MGMT: variants seen among roughly 807,000 people sequenced by gnomAD.
MGMT encodes the protein methylated-DNA--protein-cysteine methyltransferase.
In MGMT, 14 loss-of-function variants were observed where a neutral mutation model predicts 15.9. That is an observed-to-expected ratio of 0.88 (90% CI 0.58 to 1.37). The LOEUF (loss-of-function observed/expected upper bound fraction) is 1.37. Among genes scored for constraint, MGMT ranks in the 40% most tolerant of loss-of-function variants. The pLI is 0.00. For synonymous variants in MGMT, 130 were observed against 118.2 expected (o/e 1.10, Z -0.65); for missense variants, 282 against 268.1 (o/e 1.05, Z -0.36).
At chr10:129,752,990 A>G (rs563209098) in intron 3 of MGMT, among the ~76,000 whole-genome samples, 1 of 152,276 alleles carries the variant, frequency 6.6e-6, no homozygotes, top group South Asian at 2.1e-4. Context: ...TCCTTTAGCC[A>G]TTCTAAAGAT....
At chr10:129,537,358 G>A (rs1222332746) in intron 2 of MGMT, among the ~76,000 whole-genome samples, 1 of 152,128 alleles carries the variant, frequency 6.6e-6, no homozygotes, top group African/African-American at 2.4e-5. Flanking sequence ...CTGTAGAGCT[G>A]CACGTTACAA....
intron 4 of MGMT, among the ~76,000 whole-genome samples, chr10:129,761,104 A>AC (rs1250722823): frequency 6.6e-6 from 1 of 152,148 alleles, no homozygotes; most frequent in African/African-American, 2.4e-5. Flanking sequence ...GAGGTGTTCA[A>AC]CCTGATGAAA....
chr10:129,522,364 C>A (rs1487947989), intron 1 of MGMT, among the ~76,000 whole-genome samples: 1 of 152,204 alleles, frequency 6.6e-6, no homozygotes, highest in East Asian at 1.9e-4. Context: ...TGCCTGTAGG[C>A]TTTGCAGAAA....
chr10:129,749,380 C>T (rs144008180), intron 3 of MGMT, among the ~76,000 whole-genome samples: 111 of 152,276 alleles, frequency 7.3e-4, no homozygotes, highest in African/African-American at 2.5e-3. Context: ...TAGTTGGGAT[C>T]ATACAGTATG....
chr10:129,746,724 A>G (rs573647813), intron 3 of MGMT, among the ~76,000 whole-genome samples: 6 of 152,176 alleles, frequency 3.9e-5, no homozygotes, highest in African/African-American at 7.2e-5. Context: ...CCCTTTGCAA[A>G]TACATAATTA....
At chr10:129,652,733 G>A (rs990806171) in intron 2 of MGMT, among the ~76,000 whole-genome samples, 3 of 152,180 alleles carry the variant, frequency 2.0e-5, no homozygotes, top group Non-Finnish European at 1.5e-5. Flanking sequence ...CCAGATGGCC[G>A]GCCGGCCTGC....
At chr10:129,587,820 T>G (rs2133051715) in intron 2 of MGMT, among the ~76,000 whole-genome samples, 1 of 152,318 alleles carries the variant, frequency 6.6e-6, no homozygotes, top group South Asian at 2.1e-4. Flanking sequence ...TCTAACATCT[T>G]TGTCAGTTTT....
chr10:129,711,220 C>T (rs35329048), intron 3 of MGMT, among the ~76,000 whole-genome samples: 13,495 of 152,260 alleles, frequency 0.089, 787 homozygotes, highest in Non-Finnish European at 0.13. Context: ...TTGTGATTTG[C>T]TTTTTAAGGC....
In MGMT at chr10:129,768,580, G is replaced by C. The variant is rs1160724018; in HGVS notation, c.*1583G>C. 2.0e-5 allele frequency among the ~76,000 whole-genome samples: 3 copies of C among 152,248 alleles called. No homozygotes were observed. Among genetic ancestry groups the C allele is most frequent in the Non-Finnish European group, 2.9e-5 (2 of 68,046 alleles). ...GTGCCCTGTGTCCCCCACAGATGATGGCCCTCCCCAGTGATGGCCGGTCAC... is the reference window on the plus strand; with the variant it reads ...GTGCCCTGTGTCCCCCACAGATGATCGCCCTCCCCAGTGATGGCCGGTCAC... On this transcript the variant is annotated 3_prime_UTR_variant, in exon 5 of 5. Coordinates refer to ENST00000651593, the MANE Select transcript of MGMT (RefSeq NM_002412.5).
intron 2 of MGMT, among the ~76,000 whole-genome samples, chr10:129,627,783 G>A (rs1187591414): frequency 3.3e-5 from 5 of 152,162 alleles, no homozygotes; most frequent in African/African-American, 1.2e-4. Flanking sequence ...CATCTAAGTG[G>A]CTTATTTTAT....
intron 2 of MGMT, among the ~76,000 whole-genome samples, chr10:129,647,984 A>G (rs1055852522): frequency 6.6e-6 from 1 of 152,230 alleles, no homozygotes; most frequent in Non-Finnish European, 1.5e-5. Flanking sequence ...AAATATAGCC[A>G]TAGGCTTTTC....
At chr10:129,507,141 C>T (rs1038857271) in intron 1 of MGMT, among the ~76,000 whole-genome samples, 3 of 151,984 alleles carry the variant, frequency 2.0e-5, no homozygotes, top group Non-Finnish European at 2.9e-5. Context: ...CTGTGAGGAC[C>T]GGGTGAAACA....
chr10:129,555,721 AAAAAT>A (rs1432370032), intron 2 of MGMT, among the ~76,000 whole-genome samples: 1 of 152,172 alleles, frequency 6.6e-6, no homozygotes, highest in African/African-American at 2.4e-5. Context: ...TCTCTAAAAA[AAAAAT>A]AAAATAAAAA....
chr10:129,568,025 A>G (rs947015301), intron 2 of MGMT, among the ~76,000 whole-genome samples: 2 of 152,228 alleles, frequency 1.3e-5, no homozygotes, highest in African/African-American at 4.8e-5. Context: ...GTTGCACTTT[A>G]AGAGACATTA....
chr10:129,698,642 T>TG (rs2133133728), intron 2 of MGMT, among the ~76,000 whole-genome samples: 1 of 152,340 alleles, frequency 6.6e-6, no homozygotes, highest in Non-Finnish European at 1.5e-5. Context: ...TAAGGCTATT[T>TG]GAACTCTTTA....
chr10:129,715,991 C>G (rs1440373099), intron 3 of MGMT, among the ~76,000 whole-genome samples: 1 of 152,082 alleles, frequency 6.6e-6, no homozygotes. Flanking sequence ...ACGCGGCGGT[C>G]AGTGTAGCTT....
intron 2 of MGMT, among the ~76,000 whole-genome samples, chr10:129,564,911 C>T (rs1846336615): frequency 6.6e-6 from 1 of 152,102 alleles, no homozygotes; most frequent in Non-Finnish European, 1.5e-5. Flanking sequence ...CCACTGCCCT[C>T]AGGGTCCCTT....
chr10:129,514,875 G>C (rs1393674909), intron 1 of MGMT, among the ~76,000 whole-genome samples: 2 of 152,228 alleles, frequency 1.3e-5, no homozygotes. Flanking sequence ...TGTTATGGCA[G>C]CTCAGATGGC....
chr10:129,536,171 T>G (rs1845981184), intron 1 of MGMT, 70 bp from the exon 2 acceptor site: 3 of 1,527,672 alleles, frequency 2.0e-6, no homozygotes, highest in Non-Finnish European at 2.7e-6. Context: ...AACCAGTACT[T>G]CTGTTGTGTG....
Sources: gnomAD v4.1 joint callset for allele counts (sites outside exome capture counted in the v4.1 genomes callset) on GRCh38, gnomAD v4.1.1 for gene constraint, MANE v1.5 for transcripts, NCBI Gene and HGNC (gene_info 2026-07-23, HGNC 2026-07-21) for gene names.